Variants in KIAA2012 observed in about 807,000 individuals in gnomAD.
KIAA2012 encodes KIAA2012, also known as uncharacterized protein KIAA2012.
In KIAA2012, 125 loss-of-function variants were observed where a neutral mutation model predicts 150.6. The observed-to-expected ratio is 0.83, with a 90% CI of 0.72 to 0.96. The LOEUF is 0.96. KIAA2012 is among the 40% of genes least tolerant of loss of function. The pLI, the probability that KIAA2012 is intolerant of heterozygous loss-of-function variation, is 0.00. For missense variants in KIAA2012, 1,219 were observed against 1,354.9 expected (o/e 0.90, Z 1.57); for synonymous variants, 462 against 504.7 (o/e 0.92, Z 1.13).
intron 15 of KIAA2012, among the ~76,000 whole-genome samples, chr2:202,183,936 T>C (rs1381253905): frequency 6.6e-6 from 1 of 152,244 alleles, no homozygotes; most frequent in African/African-American, 2.4e-5. Flanking sequence ...TATAGAGTTC[T>C]AACACACTAT....
intron 13 of KIAA2012, among the ~76,000 whole-genome samples, chr2:202,146,043 G>T (rs1394748496): frequency 6.6e-6 from 1 of 152,060 alleles, no homozygotes; most frequent in East Asian, 1.9e-4. Flanking sequence ...TATGCACAGG[G>T]TTTAGGATTA....
chr2:202,100,846 A>G (rs1441357777), intron 7 of KIAA2012, among the ~76,000 whole-genome samples: 1 of 152,234 alleles, frequency 6.6e-6, no homozygotes, highest in African/African-American at 2.4e-5. Flanking sequence ...GTTTGGCTCC[A>G]CTGAGGGTCT....
intron 2 of KIAA2012, among the ~76,000 whole-genome samples, chr2:202,077,711 C>T (rs1689357054): frequency 6.6e-6 from 1 of 152,166 alleles, no homozygotes; most frequent in East Asian, 1.9e-4. Context: ...GTGCCTCACA[C>T]CTGTAATCCA....
chr2:202,124,016 C>T (rs566233054), intron 11 of KIAA2012, among the ~76,000 whole-genome samples: 1 of 152,208 alleles, frequency 6.6e-6, no homozygotes, highest in African/African-American at 2.4e-5. Flanking sequence ...TGGTGAAACC[C>T]TGTTTCTACT....
chr2:202,091,682 C>T (rs1689728607), intron 3 of KIAA2012, among the ~76,000 whole-genome samples: 1 of 152,158 alleles, frequency 6.6e-6, no homozygotes, highest in African/African-American at 2.4e-5. Flanking sequence ...CATTGTTTAT[C>T]CAAAATTCAA....
intron 19 of KIAA2012, among the ~76,000 whole-genome samples, chr2:202,192,483 G>A (rs1192798948): frequency 6.9e-6 from 1 of 144,336 alleles, no homozygotes. Flanking sequence ...TTTAGAGGGA[G>A]CTTCACTCTT....
intron 12 of KIAA2012, among the ~76,000 whole-genome samples, chr2:202,134,157 G>T (rs891360450): frequency 9.2e-5 from 14 of 152,198 alleles, no homozygotes; most frequent in African/African-American, 3.4e-4. Flanking sequence ...TCTGAGACCT[G>T]TTTGGCAATG....
intron 15 of KIAA2012, among the ~76,000 whole-genome samples, chr2:202,166,778 A>C (rs1257768187): frequency 1.3e-5 from 2 of 152,214 alleles, no homozygotes; most frequent in Non-Finnish European, 2.9e-5. Flanking sequence ...AATTATAAGC[A>C]GTGAACCAGT....
In KIAA2012 at chr2:202,105,885, G is replaced by A. The variant is rs1252157842; in HGVS notation, c.1449G>A (p.Ala483=). ...WELTVHLPVD[A]SRDTLSPQDD... is the part of the protein sequence containing the mutation. ...TAACAGTGCATCTCCCAGTGGACGC[G>A]AGCAGGGACACACTCTCACCTCAAG... Residue 483 remains alanine, a synonymous_variant, in exon 9 of 24, where the codon GCG becomes GCA. Coordinates refer to ENST00000498697, the MANE Select transcript of KIAA2012 (RefSeq NM_001277372.4). The A allele has an allele frequency of 1.9e-5, 30 of 1,550,690 alleles. No homozygotes were observed. The highest frequency in any genetic ancestry group is 1.7e-4 in the Middle Eastern group (1 of 6,018).
chr2:202,135,398 G>T (rs1183981239), intron 12 of KIAA2012, among the ~76,000 whole-genome samples: 1 of 152,150 alleles, frequency 6.6e-6, no homozygotes, highest in Non-Finnish European at 1.5e-5. Flanking sequence ...TTGGTCGATG[G>T]GTTAATCAGT....
intron 14 of KIAA2012, among the ~76,000 whole-genome samples, chr2:202,158,702 T>C (rs1055879204): frequency 6.6e-6 from 1 of 152,062 alleles, no homozygotes; most frequent in African/African-American, 2.4e-5. Flanking sequence ...AAAAAAAAAT[T>C]TTTTGAACCA....
intron 14 of KIAA2012, among the ~76,000 whole-genome samples, chr2:202,155,882 C>G (rs1246957285): frequency 1.3e-5 from 2 of 152,166 alleles, no homozygotes; most frequent in African/African-American, 4.8e-5. Context: ...AGGCTCTTCC[C>G]CAAGGGTGGC....
At position 202,099,734 on chromosome 2, in the gene KIAA2012, G is replaced by T; in HGVS notation, c.950G>T (p.Ser317Ile). The change falls in exon 6 of 24, where the codon AGT becomes ATT. Residue 317 changes from serine (S) to isoleucine (I), a missense_variant. Ser to Ile is a moderately radical substitution (Grantham distance 142). Coordinates refer to ENST00000498697, the MANE Select transcript of KIAA2012 (RefSeq NM_001277372.4). Reference protein sequence around the residue: ...HGRIDHSWLPSDKSHITFCGG... With the variant: ...HGRIDHSWLPIDKSHITFCGG... ...CGCATCGATCACTCTTGGCTCCCAA[G>T]TGACAAATCCCACATTACATTCTGT... is the stretch of plus-strand genomic sequence containing the variant. 6.4e-7 allele frequency: 1 copy of T among 1,550,596 alleles called. No homozygotes were observed. Among genetic ancestry groups the T allele is most frequent in the Non-Finnish European group, 8.7e-7 (1 of 1,147,000 alleles).
At chr2:202,194,461 G>A in intron 21 of KIAA2012, 99 bp downstream of exon 21, 4 of 1,268,210 alleles carry the variant, frequency 3.2e-6, no homozygotes, top group South Asian at 1.6e-5. Context: ...CTAGGCCTTA[G>A]TGTGTTAAGC....
chr2:202,179,771 C>T (rs1417743860), intron 15 of KIAA2012: 2 of 632,486 alleles, frequency 3.2e-6, no homozygotes, highest in African/African-American at 1.8e-5. Context: ...GCCTGGAAAG[C>T]CACAGCAGTG....
rs777541142 is a variant in KIAA2012 at position 202,103,044 on chromosome 2, G to T, written c.1254G>T (p.Glu418Asp). 27 of 1,550,540 alleles carry T rather than the reference G, an allele frequency of 1.7e-5. No homozygotes were observed. In the South Asian group the frequency reaches 2.9e-4, roughly 16 times the overall value. The part of the protein sequence containing the change: ...SQFKANEPPT[E>D]LFILPVEIHY... ...TTAAAGCCAATGAGCCCCCAACAGA[G>T]CTCTTCATCTTACCGGTGGAGATTC... The change falls in exon 8 of 24, where the codon GAG becomes GAT. Residue 418 changes from glutamate to aspartate, a missense_variant. Transcript: ENST00000498697.
intron 11 of KIAA2012, among the ~76,000 whole-genome samples, chr2:202,122,683 T>C (rs1345040039): frequency 6.6e-6 from 1 of 152,112 alleles, no homozygotes; most frequent in African/African-American, 2.4e-5. Context: ...GTTGTATTTT[T>C]AGTAGAGATG....
At chr2:202,197,779 A>G (rs9917128) in intron 22 of KIAA2012, 131,816 of 150,544 alleles carry the variant, frequency 0.88, 57,797 homozygotes, top group East Asian at 0.89. Flanking sequence ...CAGGAGGATC[A>G]CTTGAACCTG....
intron 4 of KIAA2012, among the ~76,000 whole-genome samples, chr2:202,096,339 G>A (rs1374582340): frequency 6.6e-6 from 1 of 152,134 alleles, no homozygotes; most frequent in Non-Finnish European, 1.5e-5. Context: ...ATATTAATGA[G>A]TCCCCAGCCC....
Sources: gnomAD v4.1 joint callset for allele counts (sites outside exome capture counted in the v4.1 genomes callset) on GRCh38, gnomAD v4.1.1 for gene constraint, MANE v1.5 for transcripts, NCBI Gene and HGNC (gene_info 2026-07-23, HGNC 2026-07-21) for gene names.